DIAPH3: variants seen among roughly 807,000 people sequenced by gnomAD.
The protein encoded by DIAPH3 is protein diaphanous homolog 3.
DIAPH3 carries 117 observed loss-of-function variants against 144.3 expected under a neutral mutation model. That is an observed-to-expected ratio of 0.81 (90% CI 0.70 to 0.95). The LOEUF (loss-of-function observed/expected upper bound fraction) is 0.95. Ranked by LOEUF, DIAPH3 falls within the 40% of genes least tolerant of loss-of-function variation. The pLI, the probability that DIAPH3 is intolerant of heterozygous loss-of-function variation, is 0.00. For synonymous variants in DIAPH3, 519 were observed against 488.9 expected, an observed-to-expected ratio of 1.06 and a Z score of -0.81; for missense variants, 1,421 against 1,412.7, an observed-to-expected ratio of 1.01 and a Z score of -0.09.
intron 23 of DIAPH3, among the ~76,000 whole-genome samples, chr13:59,835,762 A>G (rs1041412905): frequency 1.3e-5 from 2 of 151,790 alleles, no homozygotes; most frequent in African/African-American, 4.8e-5. Flanking sequence ...ACAAGTTTAC[A>G]TTTCATCCAT....
chr13:59,728,814 C>G (rs2035732211), intron 27 of DIAPH3, among the ~76,000 whole-genome samples: 1 of 152,062 alleles, frequency 6.6e-6, no homozygotes. Context: ...GAATTTTTCT[C>G]TATGTATGGA....
chr13:60,160,988 C>A (rs1388818506), intron 1 of DIAPH3, among the ~76,000 whole-genome samples: 2 of 152,180 alleles, frequency 1.3e-5, no homozygotes, highest in Non-Finnish European at 2.9e-5. Context: ...TTTAACAGGA[C>A]TCAAAGTAAA....
At position 60,146,433 on chromosome 13, in the gene DIAPH3, T is replaced by G. The variant is rs577662777; in HGVS notation, c.181-13444A>C. Among the ~76,000 whole-genome samples, 20 of 152,338 alleles carry G rather than the reference T, an allele frequency of 1.3e-4. No homozygotes were observed. The South Asian group carries it at 4.1e-3, about 32-fold the overall frequency. ...AACTGCCTGCCAGAGCTAAACATAC[T>G]GAAAAACACAGATTCATCTCCTTAA... On this transcript the variant is annotated intron_variant, in intron 1 of 27. Coordinates refer to ENST00000400324, the MANE Select transcript of DIAPH3 (RefSeq NM_001042517.2).
intron 27 of DIAPH3, among the ~76,000 whole-genome samples, chr13:59,737,531 C>T (rs571708355): frequency 2.0e-5 from 3 of 152,208 alleles, no homozygotes; most frequent in African/African-American, 7.2e-5. Context: ...TTATGTCAGC[C>T]TCAGAGTATA....
intron 3 of DIAPH3, among the ~76,000 whole-genome samples, chr13:60,101,829 T>C (rs1180385357): frequency 6.6e-6 from 1 of 152,172 alleles, no homozygotes; most frequent in Non-Finnish European, 1.5e-5. Context: ...AAACCATCTT[T>C]TTCTTGGCCC....
chr13:59,839,226 C>G (rs771112822), intron 23 of DIAPH3, 98 bp downstream of exon 23: 2 of 1,491,328 alleles, frequency 1.3e-6, no homozygotes, highest in Non-Finnish European at 1.8e-6. Context: ...TTTGGCACTA[C>G]AGAATGATCT....
At chr13:59,887,179 A>AT (rs531810577) in intron 20 of DIAPH3, among the ~76,000 whole-genome samples, 2 of 151,918 alleles carry the variant, frequency 1.3e-5, no homozygotes, top group African/African-American at 2.4e-5. Context: ...ATTACCTTGT[A>AT]TTTTTTTATC....
At chr13:60,101,661 C>A (rs1449911239) in intron 3 of DIAPH3, among the ~76,000 whole-genome samples, 3 of 152,128 alleles carry the variant, frequency 2.0e-5, no homozygotes, top group South Asian at 2.1e-4. Context: ...GGCTTCCTTG[C>A]CAATGCAAGC....
At chr13:59,839,725 C>T (rs1202813569) in intron 22 of DIAPH3, among the ~76,000 whole-genome samples, 2 of 152,018 alleles carry the variant, frequency 1.3e-5, no homozygotes, top group Non-Finnish European at 2.9e-5. Context: ...GAATTCTTGA[C>T]CATTGGAAAT....
chr13:60,119,256 G>A (rs930937948), intron 2 of DIAPH3, among the ~76,000 whole-genome samples: 2 of 152,186 alleles, frequency 1.3e-5, no homozygotes, highest in African/African-American at 4.8e-5. Flanking sequence ...ACATGACAAA[G>A]AATTGAGGGC....
intron 2 of DIAPH3, among the ~76,000 whole-genome samples, chr13:60,117,234 C>T (rs190363281): frequency 1.3e-5 from 2 of 152,108 alleles, no homozygotes; most frequent in East Asian, 3.9e-4. Flanking sequence ...TAAATTTGTA[C>T]ATTACCACTA....
At chr13:60,082,155 A>T (rs938364354) in intron 4 of DIAPH3, among the ~76,000 whole-genome samples, 1 of 152,022 alleles carries the variant, frequency 6.6e-6, no homozygotes, top group African/African-American at 2.4e-5. Context: ...AGAAAAAAAT[A>T]GAAATAAAAA....
chr13:60,028,840 C>A (rs1046624593), intron 5 of DIAPH3, among the ~76,000 whole-genome samples: 4 of 152,092 alleles, frequency 2.6e-5, no homozygotes, highest in Non-Finnish European at 5.9e-5. Flanking sequence ...GTGGGCGGAT[C>A]ACAAGGTCAG....
chr13:60,105,530 A>C (rs575694095), intron 3 of DIAPH3, among the ~76,000 whole-genome samples: 2 of 152,266 alleles, frequency 1.3e-5, no homozygotes, highest in African/African-American at 4.8e-5. Context: ...AACACAACCC[A>C]TGAATCAACT....
At chr13:59,704,926 T>A (rs189134224) in intron 27 of DIAPH3, among the ~76,000 whole-genome samples, 72 of 152,346 alleles carry the variant, frequency 4.7e-4, no homozygotes, top group Middle Eastern at 3.4e-3. Flanking sequence ...GTCTAAGGGT[T>A]TGACTATTTT....
intron 17 of DIAPH3, among the ~76,000 whole-genome samples, chr13:59,936,484 G>A (rs2048266508): frequency 6.6e-6 from 1 of 152,050 alleles, no homozygotes; most frequent in Admixed American, 6.6e-5. Flanking sequence ...CAAAATAACA[G>A]ATGAAACAAC....
chr13:59,930,483 G>A (rs1457325360), intron 17 of DIAPH3, among the ~76,000 whole-genome samples: 1 of 152,124 alleles, frequency 6.6e-6, no homozygotes, highest in Admixed American at 6.5e-5. Flanking sequence ...GTAAGAAGGT[G>A]GGGGTATGTG....
At chr13:60,160,214 A>T (rs1349960600) in intron 1 of DIAPH3, among the ~76,000 whole-genome samples, 1 of 152,090 alleles carries the variant, frequency 6.6e-6, no homozygotes, top group Non-Finnish European at 1.5e-5. Flanking sequence ...ACAGAGCAAG[A>T]CTCCGTCTCA....
intron 18 of DIAPH3, among the ~76,000 whole-genome samples, chr13:59,922,799 G>A (rs1373075326): frequency 6.6e-6 from 1 of 151,946 alleles, no homozygotes; most frequent in African/African-American, 2.4e-5. Flanking sequence ...AAATGAATAG[G>A]ATATATATAC....
Sources: allele counts gnomAD v4.1 joint callset (sites outside exome capture counted in the v4.1 genomes callset), GRCh38; gene constraint gnomAD v4.1.1; transcripts MANE v1.5; gene names NCBI Gene and HGNC (gene_info 2026-07-23, HGNC 2026-07-21).